EDIL3: variants seen among roughly 807,000 people sequenced by gnomAD.
EDIL3 encodes EGF like and discoidin domains 3, also known as EGF-like repeat and discoidin I-like domain-containing protein 3.
EDIL3 carries 37 observed loss-of-function variants against 67.4 expected under a neutral mutation model. That is an observed-to-expected ratio of 0.55 (90% CI 0.42 to 0.72). EDIL3 has a LOEUF of 0.72. EDIL3 is among the 30% of genes least tolerant of loss of function. The pLI is 0.00. For synonymous variants in EDIL3, 195 were observed against 196.3 expected (o/e 0.99, Z 0.05); for missense variants, 527 against 586.3 (o/e 0.90, Z 1.04).
At chr5:84,153,397 A>G (rs1182136100) in intron 4 of EDIL3, among the ~76,000 whole-genome samples, 3 of 152,056 alleles carry the variant, frequency 2.0e-5, no homozygotes, top group Admixed American at 2.0e-4. Context: ...CCCAGGTTCA[A>G]GCAATTCTCC....
At chr5:84,118,035 A>G (rs1747702880) in intron 5 of EDIL3, among the ~76,000 whole-genome samples, 1 of 152,184 alleles carries the variant, frequency 6.6e-6, no homozygotes, top group Non-Finnish European at 1.5e-5. Context: ...TCTTATGGAT[A>G]CAGCAGGATA....
intron 6 of EDIL3, among the ~76,000 whole-genome samples, chr5:84,096,922 G>A (rs1008690170): frequency 1.3e-5 from 2 of 152,118 alleles, no homozygotes; most frequent in Non-Finnish European, 2.9e-5. Context: ...AAAAACGGGA[G>A]TTTCCCTGCA....
chr5:84,227,621 T>C (rs1744480523), intron 3 of EDIL3, among the ~76,000 whole-genome samples: 1 of 152,084 alleles, frequency 6.6e-6, no homozygotes, highest in Non-Finnish European at 1.5e-5. Context: ...ACAAGACACA[T>C]GCACTCATAA....
chr5:84,011,372 TTTC>T (rs1276212411), intron 9 of EDIL3, among the ~76,000 whole-genome samples: 1 of 152,174 alleles, frequency 6.6e-6, no homozygotes, highest in African/African-American at 2.4e-5. Context: ...TGACTGTGCA[TTTC>T]TTCTTATCTC....
At chr5:84,130,398 G>C (rs976562642) in intron 5 of EDIL3, among the ~76,000 whole-genome samples, 11 of 152,000 alleles carry the variant, frequency 7.2e-5, no homozygotes, top group African/African-American at 2.7e-4. Context: ...ACACAGTTAC[G>C]CTAAGAAAAG....
intron 3 of EDIL3, among the ~76,000 whole-genome samples, chr5:84,210,070 T>A (rs1014201735): frequency 2.0e-5 from 3 of 152,186 alleles, no homozygotes; most frequent in Non-Finnish European, 2.9e-5. Context: ...CAGGTTAAAA[T>A]TAGCATTAAA....
intron 1 of EDIL3, among the ~76,000 whole-genome samples, chr5:84,334,983 T>A (rs182916894): frequency 1.8e-3 from 279 of 152,290 alleles, no homozygotes; most frequent in African/African-American, 6.1e-3. Flanking sequence ...TTATTTTTTT[T>A]AAAAGAATCC....
At chr5:84,209,119 G>T (rs1482661277) in intron 3 of EDIL3, among the ~76,000 whole-genome samples, 2 of 151,482 alleles carry the variant, frequency 1.3e-5, no homozygotes, top group Admixed American at 6.6e-5. Context: ...GTAAACTATC[G>T]CAAGGACAAA....
intron 6 of EDIL3, among the ~76,000 whole-genome samples, chr5:84,073,317 A>G (rs904032788): frequency 1.3e-5 from 2 of 152,256 alleles, no homozygotes; most frequent in Admixed American, 6.5e-5. Context: ...CACCACTCCT[A>G]TTCAACATAG....
chr5:84,364,712 T>G (rs1467315329), intron 1 of EDIL3, among the ~76,000 whole-genome samples: 3 of 152,120 alleles, frequency 2.0e-5, no homozygotes, highest in African/African-American at 7.2e-5. Context: ...ATATATTATA[T>G]ATACATGATA....
chr5:83,977,486 GTC>G (rs1241272632), intron 9 of EDIL3, among the ~76,000 whole-genome samples: 4 of 151,684 alleles, frequency 2.6e-5, no homozygotes, highest in Non-Finnish European at 5.9e-5. Context: ...TTCACTCTCT[GTC>G]TTCTGTGGAG....
chr5:84,135,897 C>T (rs1748083799), intron 5 of EDIL3, among the ~76,000 whole-genome samples: 1 of 151,900 alleles, frequency 6.6e-6, no homozygotes, highest in Admixed American at 6.6e-5. Flanking sequence ...GTCAGGACTA[C>T]AGTAATGAGC....
At chr5:84,190,327 C>T (rs563803930) in intron 3 of EDIL3, among the ~76,000 whole-genome samples, 31 of 151,882 alleles carry the variant, frequency 2.0e-4, no homozygotes, top group African/African-American at 7.5e-4. Context: ...CAAAATCCTG[C>T]AAATCACTTT....
intron 9 of EDIL3, among the ~76,000 whole-genome samples, chr5:84,045,183 C>T (rs1746199646): frequency 6.6e-6 from 1 of 152,056 alleles, no homozygotes; most frequent in Admixed American, 6.6e-5. Flanking sequence ...GGAAACTGCC[C>T]CCATGATTTA....
rs145344734 is a variant in EDIL3 at position 84,163,725 on chromosome 5, A to G, written c.355+16668T>C. On this transcript the variant is annotated intron_variant, in intron 4 of 10. Coordinates refer to ENST00000296591, the MANE Select transcript of EDIL3 (RefSeq NM_005711.5). Reference sequence around the variant, plus strand: ...ACATCTTTTATAGACAGAAAAATGCATAAGGAAAGTTTTAGCAAAACAAAA... The same window carrying G: ...ACATCTTTTATAGACAGAAAAATGCGTAAGGAAAGTTTTAGCAAAACAAAA... Among the ~76,000 whole-genome samples the G allele has an allele frequency of 4.1e-3, 626 of 152,248 alleles. 3 individuals carry two copies. Among genetic ancestry groups the G allele is most frequent in the Admixed American group, 8.3e-3 (127 of 15,280 alleles).
chr5:84,260,742 C>G (rs531116210), intron 1 of EDIL3, among the ~76,000 whole-genome samples: 18 of 152,216 alleles, frequency 1.2e-4, no homozygotes, highest in African/African-American at 4.3e-4. Flanking sequence ...TTTCAAAGTG[C>G]TGGCAGCCAC....
intron 3 of EDIL3, among the ~76,000 whole-genome samples, chr5:84,223,690 T>C (rs1051291892): frequency 6.6e-6 from 1 of 151,346 alleles, no homozygotes; most frequent in African/African-American, 2.4e-5. Context: ...AGCCTGGAGA[T>C]CTAATGTACA....
At chr5:84,317,045 A>C (rs1372260818) in intron 1 of EDIL3, among the ~76,000 whole-genome samples, 1 of 152,154 alleles carries the variant, frequency 6.6e-6, no homozygotes, top group Non-Finnish European at 1.5e-5. Context: ...AGAAATAAAG[A>C]TTTTCTTTGA....
chr5:84,172,238 A>G (rs568648879), intron 4 of EDIL3, among the ~76,000 whole-genome samples: 1 of 152,314 alleles, frequency 6.6e-6, no homozygotes, highest in South Asian at 2.1e-4. Context: ...ATTTTTATAT[A>G]GTTTGCAAGT....
Sources: allele counts gnomAD v4.1 joint callset (sites outside exome capture counted in the v4.1 genomes callset), GRCh38; gene constraint gnomAD v4.1.1; transcripts MANE v1.5; gene names NCBI Gene and HGNC (gene_info 2026-07-23, HGNC 2026-07-21).